Variants in TJP1 observed in about 807,000 individuals in gnomAD.
The protein encoded by TJP1 is tight junction protein ZO-1.
Under a neutral mutation model 194.2 loss-of-function variants are expected in TJP1, and 43 were observed. That is an observed-to-expected ratio of 0.22 (90% CI 0.17 to 0.29). The LOEUF is 0.29. TJP1 is among the 10% of genes least tolerant of loss of function. The pLI is 1.00. For synonymous variants in TJP1, 801 were observed against 779.0 expected (o/e 1.03, Z -0.47); for missense variants, 1,971 against 2,185.7 (o/e 0.90, Z 1.96).
chr15:29,774,390 G>A (rs947653135), intron 2 of TJP1, among the ~76,000 whole-genome samples: 10 of 151,984 alleles, frequency 6.6e-5, no homozygotes, highest in African/African-American at 2.4e-4. Flanking sequence ...TGGATAAAAC[G>A]TGATATATAT....
rs1052555970 is a variant in TJP1, at chr15:29,950,602, C to T, written c.306+5630G>A. Among the ~76,000 whole-genome samples, 3 of 152,166 alleles carry T rather than the reference C, an allele frequency of 2.0e-5. No homozygotes were observed. In the East Asian group the frequency reaches 5.8e-4, roughly 29 times the overall value. ...GGCTCTCGTACTGGTGATGGGAGAA[C>T]TGGTGATAAGAGTGGGAGTGAGAAC... On this transcript the variant is annotated intron_variant, in intron 2 of 28. Transcript: ENST00000356107.
intron 26 of TJP1, among the ~76,000 whole-genome samples, 166 bp from the exon 27 acceptor site, chr15:29,704,471 C>G (rs1428273519): frequency 6.6e-6 from 1 of 151,492 alleles, no homozygotes; most frequent in Non-Finnish European, 1.5e-5. Flanking sequence ...CATATGGAAT[C>G]TTAAATTTCC....
intron 2 of TJP1, among the ~76,000 whole-genome samples, chr15:29,857,160 T>C (rs2051888967): frequency 6.6e-6 from 1 of 152,124 alleles, no homozygotes. Context: ...TAAAGAATAA[T>C]ATTTCTATAA....
intron 2 of TJP1, among the ~76,000 whole-genome samples, chr15:29,936,854 T>C (rs2054900122): frequency 1.3e-5 from 2 of 152,154 alleles, no homozygotes; most frequent in Non-Finnish European, 2.9e-5. Context: ...AGAAAATATA[T>C]TTAGAACGCT....
rs1251259845 is a variant in TJP1, at chr15:29,875,935, T to C, written c.307-75233A>G. The stretch of plus-strand genomic sequence containing the variant: ...AGGTGGCATTTCCAATGACCAAATA[T>C]AGTTGTTACTTAAGTCAAAACTCTA... On this transcript the variant is annotated intron_variant, in intron 2 of 28. Transcript: ENST00000356107. Among the ~76,000 whole-genome samples, 10 of 152,328 alleles carry C rather than the reference T, an allele frequency of 6.6e-5. No individual in the cohort carries two copies. The South Asian group carries it at 1.5e-3, about 22-fold the overall frequency.
intron 2 of TJP1, among the ~76,000 whole-genome samples, chr15:29,939,279 T>C (rs143184443): frequency 1.2e-3 from 186 of 152,312 alleles, no homozygotes; most frequent in African/African-American, 4.2e-3. Context: ...TTAGTCATTA[T>C]TCCTAAATAA....
intron 2 of TJP1, among the ~76,000 whole-genome samples, chr15:29,841,711 C>CT (rs1367994999): frequency 6.6e-6 from 1 of 151,836 alleles, no homozygotes; most frequent in Non-Finnish European, 1.5e-5. Context: ...TCCTTCCTTC[C>CT]TCCTCCTCCC....
chr15:29,839,189 G>A (rs912931936), intron 2 of TJP1, among the ~76,000 whole-genome samples: 6 of 151,684 alleles, frequency 4.0e-5, no homozygotes, highest in Admixed American at 2.6e-4. Flanking sequence ...TACTAGAGAC[G>A]AGGTTTCCCT....
At chr15:29,927,646 T>C (rs1464830170) in intron 2 of TJP1, among the ~76,000 whole-genome samples, 3 of 152,142 alleles carry the variant, frequency 2.0e-5, no homozygotes, top group Non-Finnish European at 4.4e-5. Flanking sequence ...TGGTAAAGAA[T>C]GGCCAAGCCA....
At chr15:29,703,275 C>T (rs963184646) in intron 27 of TJP1, among the ~76,000 whole-genome samples, 14 of 152,102 alleles carry the variant, frequency 9.2e-5, no homozygotes, top group Admixed American at 2.6e-4. Context: ...CATGGTGAAA[C>T]CCCGTCTCTA....
chr15:29,883,213 A>C (rs1456486661), intron 2 of TJP1, among the ~76,000 whole-genome samples: 2 of 152,210 alleles, frequency 1.3e-5, no homozygotes, highest in Non-Finnish European at 2.9e-5. Context: ...AATTTAACAA[A>C]GTAAAAGATT....
chr15:29,876,789 A>G lies in TJP1; in HGVS notation c.307-76087T>C, dbSNP rs146351751. Among the ~76,000 whole-genome samples the G allele has an allele frequency of 5.3e-5, 8 of 152,334 alleles. No homozygotes were observed. The East Asian group carries it at 1.5e-3, about 29-fold the overall frequency. On this transcript the variant is annotated intron_variant, in intron 2 of 28. Transcript: ENST00000356107. ...CTGCTGCAGCCCTCCATTCCTCTGC[A>G]GAATCCGGGTGCAATGTAACATCAG...
In TJP1 at chr15:29,709,021, A is replaced by G; in HGVS notation, c.4388T>C (p.Leu1463Ser). 6.2e-7 allele frequency: 1 copy of G among 1,609,598 alleles called. No homozygotes were observed. The highest frequency in any genetic ancestry group is 8.5e-7 in the Non-Finnish European group (1 of 1,177,800). The part of the protein sequence containing the change: ...GAHGEGNSVS[L>S]DFQNSLVSKP... ...GGACACTAAGGAATTCTGAAAATCC[A>G]ATGACACTGAATTACCTGAAAAACA... The change falls in exon 25 of 28, where the codon TTG becomes TCG. Residue 1463 changes from leucine (L) to serine (S), a missense_variant. By Grantham distance (145) the Leu-to-Ser change is moderately radical. This residue lies in a region of TJP1 where 1,108 missense variants were observed against 1,128.5 expected (regional missense o/e 0.98). Transcript: ENST00000614355.
intron 10 of TJP1, among the ~76,000 whole-genome samples, chr15:29,739,025 C>A (rs2044221510): frequency 6.6e-6 from 1 of 152,034 alleles, no homozygotes; most frequent in Non-Finnish European, 1.5e-5. Flanking sequence ...GCCTGGGTGA[C>A]AGAGTGAGGC....
chr15:29,811,912 A>T (rs2049546502), intron 1 of TJP1, among the ~76,000 whole-genome samples: 1 of 152,214 alleles, frequency 6.6e-6, no homozygotes, highest in Non-Finnish European at 1.5e-5. Flanking sequence ...CTACAGGCCA[A>T]CCTTTGTCCA....
Position 29,882,706 on chromosome 15 carries a change from G to A in TJP1, c.306+73526C>T, listed in dbSNP as rs919957561. 2.6e-5 allele frequency among the ~76,000 whole-genome samples: 4 copies of A among 152,272 alleles called. No individual in the cohort carries two copies. In the East Asian group the frequency reaches 5.8e-4, roughly 22 times the overall value. ...CCTTGTATAATGACCCTCCCCAAAC[G>A]AAGAGCCACTGGTCCAATTCAGTTT... On this transcript the variant is annotated intron_variant, in intron 2 of 28. Transcript: ENST00000356107.
At chr15:29,901,246 C>T (rs1354922729) in intron 2 of TJP1, among the ~76,000 whole-genome samples, 1 of 152,216 alleles carries the variant, frequency 6.6e-6, no homozygotes, top group African/African-American at 2.4e-5. Flanking sequence ...GTAGGCACGA[C>T]ATCCTGAAGA....
intron 2 of TJP1, among the ~76,000 whole-genome samples, chr15:29,944,749 T>C (rs533060312): frequency 6.0e-4 from 91 of 152,354 alleles, no homozygotes; most frequent in African/African-American, 2.1e-3. Flanking sequence ...GCTTCTGTCA[T>C]TATGAATTCT....
intron 2 of TJP1, among the ~76,000 whole-genome samples, chr15:29,948,642 C>T (rs2055367909): frequency 6.6e-6 from 1 of 152,108 alleles, no homozygotes; most frequent in Admixed American, 6.5e-5. Flanking sequence ...ATGGCACAAG[C>T]CTACCGAGGA....
Sources: allele counts gnomAD v4.1 joint callset (sites outside exome capture counted in the v4.1 genomes callset), GRCh38; gene constraint gnomAD v4.1.1; regional missense constraint gnomAD v4.1.1; transcripts MANE v1.5; gene names NCBI Gene and HGNC (gene_info 2026-07-23, HGNC 2026-07-21).